RNF43: variants seen among roughly 807,000 people sequenced by gnomAD.
RNF43 encodes the protein E3 ubiquitin-protein ligase RNF43.
A neutral mutation model predicts 78.4 loss-of-function variants in RNF43; 37 were observed. The observed-to-expected ratio is 0.47, with a 90% CI of 0.36 to 0.62. The LOEUF is 0.62. Among genes scored for constraint, RNF43 ranks in the 20% least tolerant of loss-of-function variants. The pLI, the probability that RNF43 is intolerant of heterozygous loss-of-function variation, is 0.00. For synonymous variants in RNF43, 347 were observed against 395.0 expected, an observed-to-expected ratio of 0.88 and a Z score of 1.44; for missense variants, 774 against 1,007.9, an observed-to-expected ratio of 0.77 and a Z score of 3.14.
intron 2 of RNF43, among the ~76,000 whole-genome samples, chr17:58,378,385 G>A (rs1973249159): frequency 1.3e-5 from 2 of 151,914 alleles, no homozygotes; most frequent in Admixed American, 1.3e-4. Context: ...AGCCTCCTGA[G>A]GTGCTGGGAC....
At chr17:58,378,422 A>C (rs1405602852) in intron 2 of RNF43, among the ~76,000 whole-genome samples, 1 of 151,794 alleles carries the variant, frequency 6.6e-6, no homozygotes, top group African/African-American at 2.4e-5. Flanking sequence ...CAGCCTGGCT[A>C]ATTTTTGTAT....
intron 2 of RNF43, among the ~76,000 whole-genome samples, chr17:58,383,003 C>T (rs1973354055): frequency 6.6e-6 from 1 of 152,160 alleles, no homozygotes; most frequent in Non-Finnish European, 1.5e-5. Context: ...TAAAAAAAAT[C>T]CCTGCAGTAT....
chr17:58,405,779 TA>T (rs891655200), intron 2 of RNF43, among the ~76,000 whole-genome samples: 1 of 150,018 alleles, frequency 6.7e-6, no homozygotes, highest in Non-Finnish European at 1.5e-5. Context: ...AGAAAATAAA[TA>T]AATCAGCACT....
intron 2 of RNF43, among the ~76,000 whole-genome samples, chr17:58,409,991 A>C (rs1046178884): frequency 6.6e-6 from 1 of 152,110 alleles, no homozygotes; most frequent in Non-Finnish European, 1.5e-5. Context: ...ACAAAACCCA[A>C]GGAAGTACCT....
chr17:58,400,589 CAA>C (rs1050677772), intron 2 of RNF43, among the ~76,000 whole-genome samples: 2 of 152,076 alleles, frequency 1.3e-5, no homozygotes, highest in African/African-American at 4.8e-5. Context: ...GCCACAAGCT[CAA>C]AGAGGTTAAG....
chr17:58,358,664 C>A lies in RNF43; in HGVS notation c.1112G>T (p.Arg371Leu), dbSNP rs929720505. The A allele has an allele frequency of 1.3e-6, 2 of 1,523,418 alleles. No individual in the cohort carries two copies. The highest frequency in any genetic ancestry group is 2.1e-5 in the Admixed American group (1 of 47,346). 94.4% of individuals were successfully genotyped at this position (1,523,418 alleles called of 1,614,324 possible). A position where few individuals can be genotyped will look rare whatever the true frequency, so the allele number is the denominator to read the frequency against. ...CTGGGATGGCAGGAAGGGACCAGGT[C>A]GTGGGGGCCGAGCCACTGCACTCCG... ...PSRSAVARPP[R>L]PGPFLPSQEP... is the part of the protein sequence containing the mutation. Residue 371 changes from arginine to leucine, a missense_variant, in exon 9 of 10, where the codon CGA becomes CTA. Transcript: ENST00000407977. This position sits in a 1 kb window ranked among gnomAD's most constrained non-coding sequence, Gnocchi z 6.2.
Position 58,360,451 on chromosome 17 carries a change from T to TA in RNF43, c.850-201_850-200insT, listed in dbSNP as rs1972810974. Among the ~76,000 whole-genome samples, 1 of 152,214 alleles carries TA rather than the reference T, an allele frequency of 6.6e-6. No homozygotes were observed. Among genetic ancestry groups the TA allele is most frequent in the Non-Finnish European group, 1.5e-5 (1 of 68,044 alleles). ...CTTAGCTGCATGACGTTGGGCAACT[T>TA]TCTTAACAGACAGTTTTCTGCTGTA... On this transcript the variant is annotated intron_variant, in intron 7 of 9. Coordinates refer to ENST00000407977, the MANE Select transcript of RNF43 (RefSeq NM_017763.6). This position sits in a 1 kb window ranked among gnomAD's most constrained non-coding sequence, Gnocchi z 4.3.
chr17:58,387,235 T>C (rs938335883), intron 2 of RNF43, among the ~76,000 whole-genome samples: 7 of 152,158 alleles, frequency 4.6e-5, no homozygotes, highest in Admixed American at 2.0e-4. Context: ...CCAAAAGGAA[T>C]TGTCTGGACC....
At chr17:58,355,466 G>T (rs571860766) in intron 9 of RNF43, among the ~76,000 whole-genome samples, 67 of 152,316 alleles carry the variant, frequency 4.4e-4, no homozygotes, top group Admixed American at 2.7e-3. Flanking sequence ...TAAATGAGCT[G>T]ATTCTGTAGG....
At position 58,362,523 on chromosome 17, in the gene RNF43, CAA is replaced by C; in HGVS notation, c.687+19_687+20del. On this transcript the variant is annotated intron_variant, in intron 6 of 9. Coordinates refer to ENST00000407977, the MANE Select transcript of RNF43 (RefSeq NM_017763.6). ...CACACACGCACACGTTCACCGCCGC[CAA>C]AGACCCCACACTGCTCACCGGCCTG... 6.3e-7 allele frequency: 1 copy of C among 1,582,348 alleles called. No individual in the cohort carries two copies. The highest frequency in any genetic ancestry group is 1.1e-5 in the South Asian group (1 of 87,604).
intron 2 of RNF43, among the ~76,000 whole-genome samples, chr17:58,412,997 G>A (rs1053212715): frequency 2.6e-5 from 4 of 152,118 alleles, no homozygotes; most frequent in Non-Finnish European, 2.9e-5. Flanking sequence ...CCTCAAAACC[G>A]AAGAGAAGAC....
downstream of RNF43, chr17:58,353,312 T>G (rs1972605700): frequency 4.7e-6 from 1 of 213,522 alleles, no homozygotes; most frequent in Non-Finnish European, 9.5e-6. Context: ...TTATCTCATG[T>G]AAGTCCTGCA....
At chr17:58,382,038 T>C (rs1017203110) in intron 2 of RNF43, among the ~76,000 whole-genome samples, 5 of 152,148 alleles carry the variant, frequency 3.3e-5, no homozygotes, top group African/African-American at 1.2e-4. Flanking sequence ...CTCCAATCCT[T>C]TGACCAGCCC....
At chr17:58,373,279 A>T (rs1973140185) in intron 2 of RNF43, among the ~76,000 whole-genome samples, 1 of 151,436 alleles carries the variant, frequency 6.6e-6, no homozygotes, top group Non-Finnish European at 1.5e-5. Context: ...TTTAAACAGC[A>T]CTCTTCCCCA....
chr17:58,402,856 T>C (rs1973833718), intron 2 of RNF43: 1 of 152,112 alleles, frequency 6.6e-6, no homozygotes. Context: ...TTTTCCTTTG[T>C]GGGAGAAAAT....
chr17:58,389,175 G>A (rs28578644), intron 2 of RNF43, among the ~76,000 whole-genome samples: 61 of 152,270 alleles, frequency 4.0e-4, no homozygotes, highest in African/African-American at 1.5e-3. Context: ...TGCACGATCA[G>A]AGCTTGAACT....
chr17:58,362,024 T>C (rs1015053356), intron 6 of RNF43, among the ~76,000 whole-genome samples: 1 of 151,768 alleles, frequency 6.6e-6, no homozygotes, highest in African/African-American at 2.4e-5. Context: ...AGGCAGAGAT[T>C]GCAGTGAGCC....
chr17:58,409,381 A>C (rs1973977294), intron 2 of RNF43, among the ~76,000 whole-genome samples: 1 of 152,174 alleles, frequency 6.6e-6, no homozygotes, highest in South Asian at 2.1e-4. Flanking sequence ...TCCTAACAGG[A>C]TATTACTCAT....
At chr17:58,367,073 T>C (rs1206549209) in intron 3 of RNF43, among the ~76,000 whole-genome samples, 2 of 148,552 alleles carry the variant, frequency 1.3e-5, no homozygotes, top group Non-Finnish European at 3.0e-5. Context: ...TGATCTCGGC[T>C]CACTGCAACT....
Sources: gnomAD v4.1 joint callset for allele counts (sites outside exome capture counted in the v4.1 genomes callset) on GRCh38, gnomAD v4.1.1 for gene constraint, Gnocchi (gnomAD v3.1) non-coding constraint, MANE v1.5 for transcripts, NCBI Gene and HGNC (gene_info 2026-07-23, HGNC 2026-07-21) for gene names.